The following FAM47E variants were observed in gnomAD, a reference collection of about 807,000 sequenced individuals.
FAM47E encodes the protein family with sequence similarity 47 member E.
Under a neutral mutation model 41.6 loss-of-function variants are expected in FAM47E, and 32 were observed. The observed-to-expected ratio is 0.77, with a 90% confidence interval of 0.58 to 1.03. The LOEUF is 1.03. Among genes scored for constraint, FAM47E ranks in the 50% least tolerant of loss-of-function variants. FAM47E has a pLI of 0.00. For missense variants in FAM47E, 424 were observed against 485.4 expected, an observed-to-expected ratio of 0.87 and a Z score of 1.19; for synonymous variants, 184 against 188.7, an observed-to-expected ratio of 0.98 and a Z score of 0.20.
At chr4:76,233,648 C>G (rs531055898) in intron 2 of FAM47E, among the ~76,000 whole-genome samples, 4 of 152,060 alleles carry the variant, frequency 2.6e-5, no homozygotes, top group Admixed American at 1.3e-4. Context: ...AACAGCCAGG[C>G]AGGAGAAAAC....
At chr4:76,276,264 GA>G (rs1560752539) in intron 5 of FAM47E, among the ~76,000 whole-genome samples, 4 of 152,050 alleles carry the variant, frequency 2.6e-5, no homozygotes, top group African/African-American at 9.7e-5. Flanking sequence ...ACAGACAAAC[GA>G]TCAGAAAATA....
chr4:76,243,084 C>T (rs1222686345), intron 2 of FAM47E, among the ~76,000 whole-genome samples: 1 of 152,172 alleles, frequency 6.6e-6, no homozygotes, highest in Non-Finnish European at 1.5e-5. Context: ...TATTTTCTGC[C>T]ATGTAAGAAC....
chr4:76,249,699 C>T (rs868112941), upstream of FAM47E, among the ~76,000 whole-genome samples: 7 of 151,920 alleles, frequency 4.6e-5, no homozygotes, highest in Non-Finnish European at 7.4e-5. Flanking sequence ...CCCGTCCTAT[C>T]CTTCCCCCCA....
chr4:76,266,965 C>T (rs1415206348), intron 3 of FAM47E, among the ~76,000 whole-genome samples: 1 of 152,152 alleles, frequency 6.6e-6, no homozygotes, highest in South Asian at 2.1e-4. Context: ...TCAAATATTA[C>T]TTTAATAGAG....
At chr4:76,247,613 G>A (rs1038136951), upstream of FAM47E, among the ~76,000 whole-genome samples, 3 of 151,942 alleles carry the variant, frequency 2.0e-5, no homozygotes, top group Non-Finnish European at 2.9e-5. Flanking sequence ...TTTTCTATTC[G>A]TTTGTTTTTA....
At chr4:76,259,384 CAT>C (rs1734312940) in intron 2 of FAM47E, among the ~76,000 whole-genome samples, 1 of 152,184 alleles carries the variant, frequency 6.6e-6, no homozygotes, top group African/African-American at 2.4e-5. Flanking sequence ...CTAAATCTAA[CAT>C]AGAAAAACTA....
intron 1 of FAM47E, among the ~76,000 whole-genome samples, chr4:76,215,797 GT>G (rs1733196150): frequency 6.6e-6 from 1 of 152,116 alleles, no homozygotes; most frequent in Non-Finnish European, 1.5e-5. Flanking sequence ...TGTCCCACCA[GT>G]CCCCAGCTGT....
chr4:76,254,479 C>T lies in FAM47E; in HGVS notation c.75-1699C>T, dbSNP rs115101634. ...CTATTTAAGAGTGATCTGTTAAATG[C>T]AGAGAGTAACTTTTTGTTAAGTTCA... On this transcript the variant is annotated intron_variant, in intron 1 of 7. Transcript: ENST00000424749. 1.2e-3 allele frequency among the ~76,000 whole-genome samples: 188 copies of T among 152,240 alleles called. 2 individuals are homozygous for T. The highest frequency in any genetic ancestry group is 4.4e-3 in the African/African-American group (184 of 41,538).
In FAM47E at chr4:76,283,496, T is replaced by C. The variant is rs1735447981; in HGVS notation, c.*38T>C. ...AGAATGATTAGGCAGATTTTATTAC[T>C]ACGTACTTGGCTATTTCTCTGTCTC... On this transcript the variant is annotated 3_prime_UTR_variant, in exon 8 of 8. Coordinates refer to ENST00000424749, the MANE Select transcript of FAM47E (RefSeq NM_001136570.3). 2 of 1,212,950 alleles carry C rather than the reference T, an allele frequency of 1.6e-6. No homozygotes were observed. The highest frequency in any genetic ancestry group is 1.9e-4 in the Middle Eastern group (1 of 5,328). The allele number at this position is 1,212,950 out of a possible 1,614,324, so 75.1% of individuals were successfully genotyped here. A position where few individuals can be genotyped will look rare whatever the true frequency, so the allele number is the denominator to read the frequency against.
intron 2 of FAM47E, among the ~76,000 whole-genome samples, chr4:76,241,302 C>T (rs1733704932): frequency 6.6e-6 from 1 of 152,172 alleles, no homozygotes; most frequent in African/African-American, 2.4e-5. Context: ...CAGAAAAAGG[C>T]TCATCGTTTA....
intron 1 of FAM47E, among the ~76,000 whole-genome samples, chr4:76,254,005 C>T (rs995877857): frequency 1.3e-5 from 2 of 151,754 alleles, no homozygotes; most frequent in Non-Finnish European, 2.9e-5. Context: ...ACCTGTAGTC[C>T]CAACTACTTG....
At chr4:76,221,543 C>T (rs1334541035) in intron 2 of FAM47E, among the ~76,000 whole-genome samples, 1 of 152,130 alleles carries the variant, frequency 6.6e-6, no homozygotes, top group African/African-American at 2.4e-5. Flanking sequence ...TGGTCTTGAA[C>T]TCCTGACCTC....
chr4:76,243,821 C>G (rs1733763021), intron 2 of FAM47E, among the ~76,000 whole-genome samples: 1 of 152,086 alleles, frequency 6.6e-6, no homozygotes, highest in African/African-American at 2.4e-5. Context: ...TATACATGTG[C>G]CATGGTGGTT....
chr4:76,223,455 C>T (rs1733343603), intron 2 of FAM47E, among the ~76,000 whole-genome samples: 2 of 152,116 alleles, frequency 1.3e-5, no homozygotes, highest in Non-Finnish European at 2.9e-5. Context: ...CAGCAGAATC[C>T]TGTATAATCC....
At chr4:76,217,924 G>A (rs1733241647) in intron 2 of FAM47E, among the ~76,000 whole-genome samples, 1 of 152,182 alleles carries the variant, frequency 6.6e-6, no homozygotes, top group South Asian at 2.1e-4. Flanking sequence ...AGGGCTCTTT[G>A]GGCTCTACCT....
At chr4:76,255,486 C>G (rs1460780010) in intron 1 of FAM47E, among the ~76,000 whole-genome samples, 2 of 152,134 alleles carry the variant, frequency 1.3e-5, no homozygotes, top group African/African-American at 2.4e-5. Context: ...CCCAATGTAG[C>G]CCATGGACAG....
intron 2 of FAM47E, among the ~76,000 whole-genome samples, chr4:76,257,955 G>C (rs1254894578): frequency 6.6e-6 from 1 of 151,700 alleles, no homozygotes; most frequent in Non-Finnish European, 1.5e-5. Flanking sequence ...ATGATCGGTG[G>C]GAGAGAAGTC....
chr4:76,220,996 CT>C lies in FAM47E; in HGVS notation c.81+3309del, dbSNP rs150439048. On this transcript the variant is annotated intron_variant, in intron 2 of 7. Transcript: ENST00000510197. ...GTCCTCTTTATTTCCCCATGGGAAA[CT>C]GTACAACTCACAGGCCCCAAGGTCC... 3.9e-3 allele frequency among the ~76,000 whole-genome samples: 589 copies of C among 152,276 alleles called. 6 individuals are homozygous for C. Among genetic ancestry groups the C allele is most frequent in the African/African-American group, 0.014 (566 of 41,544 alleles).
chr4:76,283,675 C>T lies in FAM47E; in HGVS notation c.*217C>T, dbSNP rs909180720. ...TCAACATTTTGTATACTTTATCACCCATGAGATCAATATTCACATGTAATC... is the reference window on the plus strand; with the variant it reads ...TCAACATTTTGTATACTTTATCACCTATGAGATCAATATTCACATGTAATC... On this transcript the variant is annotated 3_prime_UTR_variant, in exon 8 of 8. Transcript: ENST00000424749. 2 of 441,518 alleles carry T rather than the reference C, an allele frequency of 4.5e-6. No homozygotes were observed. The highest frequency in any genetic ancestry group is 2.0e-5 in the African/African-American group (1 of 50,936). 27.4% of individuals were successfully genotyped at this position (441,518 alleles called of 1,614,324 possible). A position where few individuals can be genotyped will look rare whatever the true frequency, so the allele number is the denominator to read the frequency against.
Sources: allele counts gnomAD v4.1 joint callset (sites outside exome capture counted in the v4.1 genomes callset), GRCh38; gene constraint gnomAD v4.1.1; transcripts MANE v1.5; gene names NCBI Gene and HGNC (gene_info 2026-07-23, HGNC 2026-07-21).